The following FSTL1 variants were observed in gnomAD, a reference collection of about 807,000 sequenced individuals.
FSTL1 encodes follistatin like 1, also known as follistatin-related protein 1.
Under a neutral mutation model 45.9 loss-of-function variants are expected in FSTL1, and 24 were observed. The observed-to-expected ratio is 0.52, with a 90% CI of 0.38 to 0.74. FSTL1 has a LOEUF of 0.74. Among genes scored for constraint, FSTL1 ranks in the 30% least tolerant of loss-of-function variants. The probability of loss-of-function intolerance (pLI) is 0.00; values close to 1 mark genes in which losing one functional copy is unlikely to be tolerated. For synonymous variants in FSTL1, 120 were observed against 137.6 expected, an observed-to-expected ratio of 0.87 and a Z score of 0.89; for missense variants, 340 against 381.8, an observed-to-expected ratio of 0.89 and a Z score of 0.91.
chr3:120,404,777 T>C, intron 7 of FSTL1, 76 bp downstream of exon 7: 1 of 799,198 alleles, frequency 1.3e-6, no homozygotes, highest in Non-Finnish European at 2.2e-6. Flanking sequence ...CTTTTGCAGG[T>C]GGGAAAGGGT....
chr3:120,448,157 G>A (rs1300933859), intron 2 of FSTL1, among the ~76,000 whole-genome samples: 2 of 152,206 alleles, frequency 1.3e-5, no homozygotes, highest in East Asian at 3.8e-4. Flanking sequence ...AATATTTATG[G>A]TCGCAGAAAA....
At chr3:120,415,770 G>T in intron 3 of FSTL1, 153 bp downstream of exon 3, 2 of 496,024 alleles carry the variant, frequency 4.0e-6, no homozygotes, top group Non-Finnish European at 7.3e-6. Flanking sequence ...TAAAAATCAG[G>T]AATCTGGAAT....
At position 120,394,581 on chromosome 3, in the gene FSTL1, C is replaced by T. The variant is rs558248514; in HGVS notation, c.*2371G>A. 1 of 152,328 alleles carries T rather than the reference C, an allele frequency of 6.6e-6. No homozygotes were observed. The highest frequency in any genetic ancestry group is 2.4e-5 in the African/African-American group (1 of 41,568). The allele number at this position is 152,328 out of a possible 1,614,324, so 9.4% of individuals were successfully genotyped here. On this transcript the variant is annotated 3_prime_UTR_variant, in exon 11 of 11. Transcript: ENST00000295633. ...TGTTTCCATGGACACTGGATCTTAA[C>T]AGATGCTATAGTGTTTACAAAACTA...
intron 2 of FSTL1, among the ~76,000 whole-genome samples, chr3:120,446,884 T>C (rs1485341304): frequency 6.6e-6 from 1 of 152,204 alleles, no homozygotes; most frequent in Non-Finnish European, 1.5e-5. Flanking sequence ...TCTTAGGTAA[T>C]ACACTCAAAG....
intron 3 of FSTL1, among the ~76,000 whole-genome samples, chr3:120,412,838 G>GCACACA (rs71156798): frequency 0.022 from 2,339 of 105,994 alleles, 53 homozygotes; most frequent in East Asian, 0.071. Flanking sequence ...GCGCGCGCGC[G>GCACACA]CACACACACA....
intron 2 of FSTL1, among the ~76,000 whole-genome samples, chr3:120,449,632 T>A (rs1244695792): frequency 2.0e-5 from 3 of 152,232 alleles, no homozygotes; most frequent in Non-Finnish European, 4.4e-5. Flanking sequence ...AAATGAGAAT[T>A]CAGTACAATG....
At chr3:120,437,147 T>C (rs1937576618) in intron 2 of FSTL1, among the ~76,000 whole-genome samples, 1 of 152,192 alleles carries the variant, frequency 6.6e-6, no homozygotes, top group Non-Finnish European at 1.5e-5. Context: ...ATCTTTGAGG[T>C]CCCGTCCATT....
intron 5 of FSTL1, chr3:120,410,580 G>T (rs975902730): frequency 8.3e-6 from 3 of 359,928 alleles, no homozygotes; most frequent in African/African-American, 6.4e-5. Flanking sequence ...AAGTCTTACT[G>T]GCATTTCCAG....
intron 2 of FSTL1, among the ~76,000 whole-genome samples, chr3:120,420,520 G>A (rs573704025): frequency 5.0e-4 from 76 of 152,262 alleles, no homozygotes; most frequent in Non-Finnish European, 9.3e-4. Context: ...TTCGTGTGTT[G>A]CAAGCCAAGC....
At chr3:120,417,185 C>T (rs749775983) in intron 2 of FSTL1, among the ~76,000 whole-genome samples, 3 of 152,166 alleles carry the variant, frequency 2.0e-5, no homozygotes, top group Non-Finnish European at 4.4e-5. Context: ...ACAGTCCACC[C>T]TCCAGGCCAT....
chr3:120,444,120 A>T (rs1015445233), intron 2 of FSTL1, among the ~76,000 whole-genome samples: 1 of 149,846 alleles, frequency 6.7e-6, no homozygotes, highest in Non-Finnish European at 1.5e-5. Context: ...CTTGGGCCAA[A>T]ATCTGGTGTA....
intron 2 of FSTL1, 66 bp downstream of exon 2, chr3:120,450,618 C>G (rs2107676478): frequency 8.8e-7 from 1 of 1,137,234 alleles, no homozygotes; most frequent in South Asian, 1.6e-5. Flanking sequence ...CGCGCGCCCA[C>G]CCGCCCAGCG....
intron 5 of FSTL1, chr3:120,410,737 C>T: frequency 1.5e-6 from 1 of 666,948 alleles, no homozygotes; most frequent in Non-Finnish European, 2.8e-6. Context: ...ACACAGCCAA[C>T]ATTCTGACCC....
chr3:120,427,028 T>C (rs1346351019), intron 2 of FSTL1, among the ~76,000 whole-genome samples: 1 of 152,196 alleles, frequency 6.6e-6, no homozygotes, highest in Non-Finnish European at 1.5e-5. Context: ...TGAGAACTCA[T>C]TAGCCTTTGA....
chr3:120,448,754 C>G (rs1937814300), intron 2 of FSTL1, among the ~76,000 whole-genome samples: 1 of 152,178 alleles, frequency 6.6e-6, no homozygotes, highest in South Asian at 2.1e-4. Context: ...CAGGAAATTG[C>G]TGCTGGGGGA....
chr3:120,419,954 T>G (rs2107660215), intron 2 of FSTL1, among the ~76,000 whole-genome samples: 1 of 152,278 alleles, frequency 6.6e-6, no homozygotes, highest in South Asian at 2.1e-4. Context: ...ATGTAACAGA[T>G]GCAGAGGCAT....
At chr3:120,405,452 T>C (rs1442790984) in intron 6 of FSTL1, among the ~76,000 whole-genome samples, 1 of 152,226 alleles carries the variant, frequency 6.6e-6, no homozygotes, top group Non-Finnish European at 1.5e-5. Context: ...CACTTTGGAA[T>C]TATAGGATTC....
intron 2 of FSTL1, among the ~76,000 whole-genome samples, chr3:120,418,725 GCT>G (rs774040142): frequency 8.8e-5 from 12 of 135,726 alleles, no homozygotes; most frequent in Non-Finnish European, 2.0e-4. Flanking sequence ...TGGGCCAGGT[GCT>G]CTCTTTAAAC....
intron 2 of FSTL1, among the ~76,000 whole-genome samples, chr3:120,449,857 A>G (rs891895531): frequency 1.3e-5 from 2 of 152,096 alleles, no homozygotes; most frequent in African/African-American, 4.8e-5. Flanking sequence ...TCCTGCCATA[A>G]TTATCAAATG....
Sources: gnomAD v4.1 joint callset for allele counts (sites outside exome capture counted in the v4.1 genomes callset) on GRCh38, gnomAD v4.1.1 for gene constraint, MANE v1.5 for transcripts, NCBI Gene and HGNC (gene_info 2026-07-23, HGNC 2026-07-21) for gene names.